The following BTBD9 variants were observed in gnomAD, a reference collection of about 807,000 sequenced individuals.
The protein encoded by BTBD9 is BTB/POZ domain-containing protein 9.
A neutral mutation model predicts 64.3 loss-of-function variants in BTBD9; 49 were observed. That is an observed-to-expected ratio of 0.76 (90% CI 0.61 to 0.97). The LOEUF (loss-of-function observed/expected upper bound fraction) is 0.97, where lower values mean the gene tolerates loss of function less well. BTBD9 is among the 50% of genes least tolerant of loss of function. The pLI is 0.00. For missense variants in BTBD9, 598 were observed against 762.1 expected (o/e 0.78, Z 2.53); for synonymous variants, 260 against 274.7 (o/e 0.95, Z 0.53).
chr6:38,628,934 C>T (rs1002943613), intron 1 of BTBD9, among the ~76,000 whole-genome samples: 2 of 151,426 alleles, frequency 1.3e-5, no homozygotes, highest in African/African-American at 4.9e-5. Context: ...TCTTGTTGTG[C>T]CAGAAAATAA....
chr6:38,300,516 G>C, intron 7 of BTBD9, among the ~76,000 whole-genome samples: 1 of 152,098 alleles, frequency 6.6e-6, no homozygotes, highest in Non-Finnish European at 1.5e-5. Context: ...CCATTTGTTA[G>C]TATCCTCTTT....
At chr6:38,341,575 G>A (rs1764101523) in intron 7 of BTBD9, among the ~76,000 whole-genome samples, 1 of 152,178 alleles carries the variant, frequency 6.6e-6, no homozygotes, top group Non-Finnish European at 1.5e-5. Context: ...CTTACAAAAA[G>A]CAGAAAAACT....
intron 6 of BTBD9, among the ~76,000 whole-genome samples, chr6:38,514,388 C>T (rs1048089223): frequency 1.3e-5 from 2 of 152,132 alleles, no homozygotes; most frequent in African/African-American, 4.8e-5. Flanking sequence ...TAATAAAGAG[C>T]TGTAATTGTC....
chr6:38,587,538 T>C (rs1776589345), intron 4 of BTBD9: 3 of 571,788 alleles, frequency 5.2e-6, no homozygotes, highest in South Asian at 1.6e-5. Flanking sequence ...CAATTTTTGA[T>C]AGTTCTGATC....
At chr6:38,381,128 A>G (rs1373548297) in intron 6 of BTBD9, among the ~76,000 whole-genome samples, 1 of 152,180 alleles carries the variant, frequency 6.6e-6, no homozygotes, top group Non-Finnish European at 1.5e-5. Flanking sequence ...AAATAGATCA[A>G]ATGTATTAGG....
intron 6 of BTBD9, among the ~76,000 whole-genome samples, chr6:38,513,289 T>C (rs1407221250): frequency 2.0e-5 from 3 of 151,682 alleles, no homozygotes; most frequent in Admixed American, 2.0e-4. Context: ...CTACTAAAAA[T>C]ACAAAAAAAT....
intron 1 of BTBD9, among the ~76,000 whole-genome samples, chr6:38,623,586 T>C (rs1778070311): frequency 6.6e-6 from 1 of 152,168 alleles, no homozygotes; most frequent in Admixed American, 6.5e-5. Context: ...GTGTTGTTTT[T>C]ACACTAACCA....
chr6:38,282,571 G>T (rs1019129091), intron 8 of BTBD9, among the ~76,000 whole-genome samples: 5 of 152,150 alleles, frequency 3.3e-5, no homozygotes, highest in Non-Finnish European at 7.3e-5. Context: ...TGAAACATGG[G>T]TGGTGGTGGC....
intron 6 of BTBD9, among the ~76,000 whole-genome samples, chr6:38,351,685 G>A (rs1261075931): frequency 1.3e-5 from 2 of 151,854 alleles, no homozygotes; most frequent in South Asian, 2.1e-4. Context: ...ATTTTTAGTA[G>A]AGATGGAGTT....
chr6:38,480,430 T>C (rs1249736733), intron 6 of BTBD9, among the ~76,000 whole-genome samples: 4 of 152,234 alleles, frequency 2.6e-5, no homozygotes, highest in Non-Finnish European at 4.4e-5. Context: ...GGAGCTCTTA[T>C]GAAAGTGTAG....
At chr6:38,191,108 G>A (rs1171749813) in intron 10 of BTBD9, among the ~76,000 whole-genome samples, 1 of 152,106 alleles carries the variant, frequency 6.6e-6, no homozygotes, top group African/African-American at 2.4e-5. Context: ...AGAAAAAATC[G>A]GTTGGTTTAC....
chr6:38,352,516 T>C (rs1764560435), intron 6 of BTBD9, among the ~76,000 whole-genome samples: 1 of 152,240 alleles, frequency 6.6e-6, no homozygotes, highest in Non-Finnish European at 1.5e-5. Context: ...TATCAAACTA[T>C]ATGAATTGAC....
chr6:38,446,690 A>G (rs1178859391), intron 6 of BTBD9, among the ~76,000 whole-genome samples: 1 of 152,210 alleles, frequency 6.6e-6, no homozygotes, highest in African/African-American at 2.4e-5. Flanking sequence ...AATCCTGGCA[A>G]TAATTATGAG....
At chr6:38,258,593 T>C (rs1336716715) in intron 8 of BTBD9, among the ~76,000 whole-genome samples, 2 of 152,180 alleles carry the variant, frequency 1.3e-5, no homozygotes, top group Admixed American at 6.5e-5. Flanking sequence ...CTATTCTTTG[T>C]AACTACAGCA....
At chr6:38,615,222 CTT>C (rs1433976644) in intron 1 of BTBD9, among the ~76,000 whole-genome samples, 2 of 152,232 alleles carry the variant, frequency 1.3e-5, no homozygotes, top group Admixed American at 1.3e-4. Flanking sequence ...AGCCAGCGCT[CTT>C]GTCATCTGCA....
At chr6:38,370,158 T>G (rs764565856) in intron 6 of BTBD9, among the ~76,000 whole-genome samples, 1 of 152,260 alleles carries the variant, frequency 6.6e-6, no homozygotes, top group Admixed American at 6.5e-5. Context: ...GACTTCATTA[T>G]GTCAGCATTA....
chr6:38,391,213 G>A (rs1353172082), intron 6 of BTBD9, among the ~76,000 whole-genome samples: 1 of 152,116 alleles, frequency 6.6e-6, no homozygotes, highest in African/African-American at 2.4e-5. Flanking sequence ...ACTCTCAAAG[G>A]TTTTACATAC....
At chr6:38,410,697 C>A (rs1767386665) in intron 6 of BTBD9, among the ~76,000 whole-genome samples, 1 of 151,918 alleles carries the variant, frequency 6.6e-6, no homozygotes, top group Non-Finnish European at 1.5e-5. Flanking sequence ...GAGAATGATA[C>A]TGAATGACTA....
At chr6:38,378,348 A>C (rs879483357) in intron 6 of BTBD9, among the ~76,000 whole-genome samples, 4 of 149,906 alleles carry the variant, frequency 2.7e-5, no homozygotes, top group Non-Finnish European at 5.9e-5. Context: ...GGTTTAAACA[A>C]CTCTCCTGCC....
Sources: allele counts gnomAD v4.1 joint callset (sites outside exome capture counted in the v4.1 genomes callset), GRCh38; gene constraint gnomAD v4.1.1; transcripts MANE v1.5; gene names NCBI Gene and HGNC (gene_info 2026-07-23, HGNC 2026-07-21).